The following EBF1 variants were observed in gnomAD, a reference collection of about 807,000 sequenced individuals.
The protein encoded by EBF1 is transcription factor COE1.
EBF1 carries 10 observed loss-of-function variants against 68.4 expected under a neutral mutation model. That is an observed-to-expected ratio of 0.15 (90% CI 0.09 to 0.25). The LOEUF (loss-of-function observed/expected upper bound fraction) is 0.25, where lower values mean the gene tolerates loss of function less well. Among genes scored for constraint, EBF1 ranks in the 10% least tolerant of loss-of-function variants. The probability of loss-of-function intolerance (pLI) is 1.00; values close to 1 mark genes in which losing one functional copy is unlikely to be tolerated. For missense variants in EBF1, 509 were observed against 794.4 expected, an observed-to-expected ratio of 0.64 and a Z score of 4.32; for synonymous variants, 298 against 299.8, an observed-to-expected ratio of 0.99 and a Z score of 0.06.
rs184880451 is a variant in EBF1, at chr5:159,077,261, C to T, written c.486-3797G>A. ...ACTAGCCTGGCCAACACGGTGAAACCCCATCTCTAATAAAAATTTTTAAAA... is the reference window on the plus strand; with the variant it reads ...ACTAGCCTGGCCAACACGGTGAAACTCCATCTCTAATAAAAATTTTTAAAA... On this transcript the variant is annotated intron_variant, in intron 5 of 15. Transcript: ENST00000313708. Among the ~76,000 whole-genome samples, 77 of 152,194 alleles carry T rather than the reference C, an allele frequency of 5.1e-4. No homozygotes were observed. In the Middle Eastern group the frequency reaches 0.014, roughly 27 times the overall value.
At chr5:159,026,911 G>A (rs921763201) in intron 6 of EBF1, among the ~76,000 whole-genome samples, 1 of 152,150 alleles carries the variant, frequency 6.6e-6, no homozygotes, top group Non-Finnish European at 1.5e-5. Context: ...ATTCCCACTT[G>A]GGGGGAATCA....
intron 6 of EBF1, chr5:158,987,343 T>C (rs1759299961): frequency 6.6e-6 from 1 of 152,242 alleles, no homozygotes; most frequent in Admixed American, 6.5e-5. Context: ...TATTGTTATT[T>C]TTCTATTATC....
chr5:159,094,745 C>A (rs976068635), intron 4 of EBF1, among the ~76,000 whole-genome samples: 1 of 152,034 alleles, frequency 6.6e-6, no homozygotes, highest in Non-Finnish European at 1.5e-5. Context: ...ATTTCTTTCC[C>A]CCACCCAATA....
intron 6 of EBF1, among the ~76,000 whole-genome samples, chr5:158,958,162 C>T (rs562075808): frequency 1.3e-5 from 2 of 152,262 alleles, no homozygotes; most frequent in East Asian, 3.9e-4. Context: ...TCTGACAGAG[C>T]TCGGTGGTGT....
intron 6 of EBF1, among the ~76,000 whole-genome samples, chr5:159,030,838 G>T (rs1156366522): frequency 3.9e-5 from 6 of 152,156 alleles, no homozygotes; most frequent in African/African-American, 1.4e-4. Flanking sequence ...AGAGTAGCAT[G>T]GCTGTAGTGT....
intron 6 of EBF1, among the ~76,000 whole-genome samples, chr5:158,934,847 C>T (rs1189822112): frequency 1.3e-5 from 2 of 152,184 alleles, no homozygotes; most frequent in Admixed American, 6.5e-5. Context: ...TATAGCCTGA[C>T]CCTGAGCTAA....
chr5:158,978,723 A>T (rs1335904419), intron 6 of EBF1, among the ~76,000 whole-genome samples: 1 of 151,900 alleles, frequency 6.6e-6, no homozygotes, highest in Admixed American at 6.6e-5. Flanking sequence ...TTGATTAAGG[A>T]AAGACTATTG....
chr5:158,970,024 A>C (rs182885217), intron 6 of EBF1, among the ~76,000 whole-genome samples: 9 of 152,280 alleles, frequency 5.9e-5, no homozygotes, highest in Admixed American at 4.6e-4. Context: ...AGGCACATGA[A>C]AAATGACAAA....
chr5:158,958,660 TC>T (rs950919011), intron 6 of EBF1, among the ~76,000 whole-genome samples: 1 of 152,026 alleles, frequency 6.6e-6, no homozygotes, highest in Non-Finnish European at 1.5e-5. Context: ...AATATACACA[TC>T]CCACTGGTAT....
rs7715764 is a variant in EBF1 at position 158,706,398 on chromosome 5, T to C, written c.1744+1581A>G. ...GCTCAGGCTCTGGGGTCACATGGCT[T>C]GTGTTCCAGTTTAGCTGTACTATTT... On this transcript the variant is annotated intron_variant, in intron 15 of 15. Transcript: ENST00000313708. Among the ~76,000 whole-genome samples, 825 of 152,166 alleles carry C rather than the reference T, an allele frequency of 5.4e-3. 13 individuals carry two copies. The highest frequency in any genetic ancestry group is 0.019 in the African/African-American group (778 of 41,492).
At chr5:158,777,745 T>C (rs1396863686) in intron 9 of EBF1, among the ~76,000 whole-genome samples, 1 of 152,200 alleles carries the variant, frequency 6.6e-6, no homozygotes, top group African/African-American at 2.4e-5. Flanking sequence ...TATCTGGGTT[T>C]TCCTACATGG....
intron 7 of EBF1, among the ~76,000 whole-genome samples, chr5:158,827,456 C>T (rs1308971474): frequency 6.6e-6 from 1 of 152,174 alleles, no homozygotes; most frequent in Non-Finnish European, 1.5e-5. Context: ...TTTATTATAA[C>T]TAAATGAAAC....
chr5:159,033,209 G>A lies in EBF1; in HGVS notation c.554+40187C>T, dbSNP rs568437746. 3.6e-4 allele frequency among the ~76,000 whole-genome samples: 55 copies of A among 152,308 alleles called. 1 individual carries two copies. In the South Asian group the frequency reaches 0.011, roughly 31 times the overall value. The stretch of plus-strand genomic sequence containing the variant: ...AGTTCTGCACACGTTTACCCGCTTT[G>A]CAGCCATCCCTTCCTTCCACTCCGC... On this transcript the variant is annotated intron_variant, in intron 6 of 15. Transcript: ENST00000313708.
At chr5:158,867,260 A>G (rs1234841670) in intron 6 of EBF1, among the ~76,000 whole-genome samples, 3 of 152,110 alleles carry the variant, frequency 2.0e-5, no homozygotes, top group Non-Finnish European at 4.4e-5. Flanking sequence ...TTATGACAAA[A>G]TTGGTGGTTG....
At chr5:158,749,193 A>T (rs551233295) in intron 10 of EBF1, among the ~76,000 whole-genome samples, 363 of 152,316 alleles carry the variant, frequency 2.4e-3, no homozygotes, top group African/African-American at 8.1e-3. Context: ...CTGCTAATAA[A>T]GACATCATTT....
At chr5:158,731,738 T>G (rs1764135113) in intron 10 of EBF1, among the ~76,000 whole-genome samples, 2 of 152,190 alleles carry the variant, frequency 1.3e-5, no homozygotes, top group Admixed American at 1.3e-4. Context: ...ATGCCCTGAT[T>G]CAAAACTCTC....
At chr5:159,022,056 TAAAAAA>T (rs10630834) in intron 6 of EBF1, among the ~76,000 whole-genome samples, 4 of 105,630 alleles carry the variant, frequency 3.8e-5, no homozygotes, top group Admixed American at 1.1e-4. Context: ...GTCAGCACGA[TAAAAAA>T]AAAAAAAAAA....
intron 8 of EBF1, among the ~76,000 whole-genome samples, chr5:158,819,727 C>T (rs367824129): frequency 2.0e-5 from 3 of 152,146 alleles, no homozygotes; most frequent in African/African-American, 7.2e-5. Context: ...TTTGAGGCTG[C>T]CTGTCTCCAC....
intron 1 of EBF1, 71 bp from the exon 2 acceptor site, chr5:159,097,201 A>C: frequency 6.6e-7 from 1 of 1,508,590 alleles, no homozygotes; most frequent in Non-Finnish European, 8.9e-7. Flanking sequence ...CCCTGTACAC[A>C]CACTCGAACC....
Sources: allele counts gnomAD v4.1 joint callset (sites outside exome capture counted in the v4.1 genomes callset), GRCh38; gene constraint gnomAD v4.1.1; transcripts MANE v1.5; gene names NCBI Gene and HGNC (gene_info 2026-07-23, HGNC 2026-07-21).